SNCAIP: variants seen among roughly 807,000 people sequenced by gnomAD.
SNCAIP encodes the protein synphilin-1.
In SNCAIP, 43 loss-of-function variants were observed where a neutral mutation model predicts 86.7. The ratio of observed to expected loss-of-function variants is 0.50; its 90% CI spans 0.39 to 0.64. The LOEUF is 0.64. Among genes scored for constraint, SNCAIP ranks in the 30% least tolerant of loss-of-function variants. SNCAIP has a pLI of 0.00. For synonymous variants in SNCAIP, 417 were observed against 427.2 expected, an observed-to-expected ratio of 0.98 and a Z score of 0.29; for missense variants, 981 against 1,103.1, an observed-to-expected ratio of 0.89 and a Z score of 1.57.
At chr5:122,444,873 C>A in intron 8 of SNCAIP, 141 bp downstream of exon 8, 1 of 779,072 alleles carries the variant, frequency 1.3e-6, no homozygotes, top group Non-Finnish European at 2.2e-6. Flanking sequence ...TTCTTCCATC[C>A]AAAGTCCTCA....
At chr5:122,362,472 T>G (rs1215269895) in intron 1 of SNCAIP, among the ~76,000 whole-genome samples, 2 of 152,166 alleles carry the variant, frequency 1.3e-5, no homozygotes, top group Non-Finnish European at 2.9e-5. Context: ...AGAACCACAT[T>G]TTTCCTCTGT....
At chr5:122,436,665 A>G (rs1350054006) in intron 6 of SNCAIP, 3 of 152,198 alleles carry the variant, frequency 2.0e-5, no homozygotes, top group South Asian at 4.1e-4. Flanking sequence ...TTGATAATCT[A>G]TGATCACAAA....
chr5:122,345,875 A>G (rs1162792887), intron 1 of SNCAIP, among the ~76,000 whole-genome samples: 1 of 151,912 alleles, frequency 6.6e-6, no homozygotes, highest in Non-Finnish European at 1.5e-5. Flanking sequence ...CTGGTCTTGA[A>G]CACCTGACTT....
At chr5:122,388,131 G>T (rs996554893) in intron 1 of SNCAIP, among the ~76,000 whole-genome samples, 2 of 152,226 alleles carry the variant, frequency 1.3e-5, no homozygotes, top group Non-Finnish European at 2.9e-5. Flanking sequence ...AGCAGCTGCG[G>T]CTTAGCTCCA....
intron 2 of SNCAIP, chr5:122,400,939 T>C (rs1377735207): frequency 1.3e-6 from 2 of 1,498,888 alleles, no homozygotes; most frequent in African/African-American, 1.4e-5. Flanking sequence ...GAAAATGTAA[T>C]GCTTCTTCAT....
rs1776736121 is a variant in SNCAIP at position 122,423,169 on chromosome 5, G to A, written c.432G>A (p.Glu144=). The change falls in exon 4 of 11, where the codon GAG becomes GAA. Residue 144 remains glutamate, a synonymous_variant. Transcript: ENST00000261368. The stretch of plus-strand genomic sequence containing the variant: ...CCAGCACATCGCTGGGTGAACTGGA[G>A]CACTACGACCTCGACATGGATGAGA... ...SEPSTSLGEL[E]HYDLDMDEIL... is the part of the protein sequence containing the mutation. 3 of 1,614,052 alleles carry A rather than the reference G, an allele frequency of 1.9e-6. No homozygotes were observed. The highest frequency in any genetic ancestry group is 2.5e-6 in the Non-Finnish European group (3 of 1,180,028).
intron 1 of SNCAIP, among the ~76,000 whole-genome samples, chr5:122,347,332 A>T (rs974139030): frequency 2.0e-5 from 3 of 151,806 alleles, no homozygotes; most frequent in Non-Finnish European, 4.4e-5. Context: ...CACAAAGAAC[A>T]TCTGTTTACC....
At chr5:122,371,709 G>A (rs559867897) in intron 1 of SNCAIP, 2 of 152,242 alleles carry the variant, frequency 1.3e-5, no homozygotes, top group South Asian at 4.2e-4. Flanking sequence ...GTCCTACCTG[G>A]CTTTGATTCC....
chr5:122,427,009 T>A (rs1261788995), intron 5 of SNCAIP, among the ~76,000 whole-genome samples: 1 of 152,198 alleles, frequency 6.6e-6, no homozygotes, highest in East Asian at 1.9e-4. Context: ...TATAGCCCTG[T>A]GACAGAGTTC....
At chr5:122,366,930 T>G (rs1763314404) in intron 1 of SNCAIP, among the ~76,000 whole-genome samples, 1 of 152,130 alleles carries the variant, frequency 6.6e-6, no homozygotes. Context: ...CTTGTCCTTC[T>G]CAAATTCATT....
intron 4 of SNCAIP, among the ~76,000 whole-genome samples, chr5:122,423,968 G>T (rs1250869563): frequency 6.6e-6 from 1 of 152,168 alleles, no homozygotes; most frequent in East Asian, 1.9e-4. Context: ...TTTTAACTTT[G>T]CATGAATTCA....
At position 122,425,434 on chromosome 5, in the gene SNCAIP, A is replaced by T. The variant is rs1311186320; in HGVS notation, c.1085A>T (p.His362Leu). The change falls in exon 5 of 11, where the codon CAC (histidine) becomes CTC (leucine). Residue 362 changes from histidine (H) to leucine (L), a missense_variant. Transcript: ENST00000261368. ...TTACATATTGCGGCGTCACAGGGAC[A>T]CGCAGAGTGTCTACAGCACCTCACT... is the stretch of plus-strand genomic sequence containing the variant. ...NLLHIAASQG[H>L]AECLQHLTSL... 6.2e-7 allele frequency: 1 copy of T among 1,613,952 alleles called. No homozygotes were observed. Among genetic ancestry groups the T allele is most frequent in the African/African-American group, 1.3e-5 (1 of 75,048 alleles).
chr5:122,448,615 T>G (rs980205602), intron 8 of SNCAIP, among the ~76,000 whole-genome samples: 1 of 141,040 alleles, frequency 7.1e-6, no homozygotes, highest in African/African-American at 2.6e-5. Context: ...ATATATATTT[T>G]TATATATATA....
At chr5:122,422,169 G>A (rs1282592085) in intron 3 of SNCAIP, among the ~76,000 whole-genome samples, 3 of 152,122 alleles carry the variant, frequency 2.0e-5, no homozygotes, top group Non-Finnish European at 2.9e-5. Flanking sequence ...TGTGTCATAT[G>A]TCAGAAAGCA....
intron 8 of SNCAIP, among the ~76,000 whole-genome samples, chr5:122,448,679 TTATATATATATTATATATATTATATACA>T (rs1782985969): frequency 7.3e-6 from 1 of 136,568 alleles, no homozygotes; most frequent in Non-Finnish European, 1.5e-5. Flanking sequence ...ATTATATATG[TTATATATATATTATATATATTATATACA>T]TATATATAAT....
chr5:122,459,810 T>A (rs552460303), intron 10 of SNCAIP, among the ~76,000 whole-genome samples: 47 of 152,310 alleles, frequency 3.1e-4, no homozygotes, highest in African/African-American at 1.0e-3. Flanking sequence ...ATAAGAGTAA[T>A]ACTAGCATTA....
chr5:122,432,385 T>G (rs1178439702), intron 6 of SNCAIP, among the ~76,000 whole-genome samples: 1 of 152,128 alleles, frequency 6.6e-6, no homozygotes, highest in Non-Finnish European at 1.5e-5. Flanking sequence ...GTCCTATAAT[T>G]TAGCACCAAC....
At chr5:122,355,515 C>T (rs1760816053) in intron 1 of SNCAIP, among the ~76,000 whole-genome samples, 1 of 152,066 alleles carries the variant, frequency 6.6e-6, no homozygotes, top group Non-Finnish European at 1.5e-5. Flanking sequence ...ATAAAATTGC[C>T]CATAAAATCC....
At chr5:122,385,741 T>C (rs1768005607) in intron 1 of SNCAIP, among the ~76,000 whole-genome samples, 1 of 151,958 alleles carries the variant, frequency 6.6e-6, no homozygotes, top group Non-Finnish European at 1.5e-5. Context: ...TGTGTTTTTC[T>C]AAGAGCTGGT....
Sources: allele counts gnomAD v4.1 joint callset (sites outside exome capture counted in the v4.1 genomes callset), GRCh38; gene constraint gnomAD v4.1.1; transcripts MANE v1.5; gene names NCBI Gene and HGNC (gene_info 2026-07-23, HGNC 2026-07-21).